WDR59: variants seen among roughly 807,000 people sequenced by gnomAD.
WDR59 encodes the protein GATOR2 complex protein WDR59.
In WDR59, 100 loss-of-function variants were observed where a neutral mutation model predicts 131.2. The ratio of observed to expected loss-of-function variants is 0.76; its 90% CI spans 0.65 to 0.90. WDR59 has a LOEUF of 0.90. WDR59 is among the 40% of genes least tolerant of loss of function. The pLI is 0.00. For missense variants in WDR59, 1,203 were observed against 1,262.2 expected (o/e 0.95, Z 0.71); for synonymous variants, 601 against 466.2 (o/e 1.29, Z -3.72).
At chr16:74,886,942 T>C (rs1964798562) in intron 23 of WDR59, among the ~76,000 whole-genome samples, 2 of 151,704 alleles carry the variant, frequency 1.3e-5, no homozygotes, top group African/African-American at 4.8e-5. Context: ...AAAAAATAAA[T>C]AAATAAAGCA....
At chr16:74,925,666 CTT>C (rs1220656155) in intron 8 of WDR59, among the ~76,000 whole-genome samples, 3 of 151,960 alleles carry the variant, frequency 2.0e-5, no homozygotes, top group Non-Finnish European at 4.4e-5. Context: ...CGAGGTAGCT[CTT>C]CAGTGTCATG....
At chr16:74,913,085 C>T (rs910504027) in intron 13 of WDR59, among the ~76,000 whole-genome samples, 1 of 141,170 alleles carries the variant, frequency 7.1e-6, no homozygotes, top group Non-Finnish European at 1.5e-5. Context: ...GGGGGGGGGG[C>T]CTGTTCCCAA....
chr16:74,907,181 C>A (rs1464752128), intron 17 of WDR59, among the ~76,000 whole-genome samples: 5 of 152,304 alleles, frequency 3.3e-5, no homozygotes, highest in South Asian at 2.1e-4. Flanking sequence ...CTTGGCAAAA[C>A]AGCAGTGTCT....
At chr16:74,904,352 G>A in intron 17 of WDR59, 14 of 410,652 alleles carry the variant, frequency 3.4e-5, no homozygotes, top group East Asian at 1.5e-4. Flanking sequence ...TTGAATACAA[G>A]GTCAACCTAC....
rs768936417 is a variant in WDR59, at chr16:74,904,074, T to A, written c.1739A>T (p.His580Leu). 3 of 1,613,480 alleles carry A rather than the reference T, an allele frequency of 1.9e-6. No individual in the cohort carries two copies. The highest frequency in any genetic ancestry group is 2.5e-6 in the Non-Finnish European group (3 of 1,179,842). The change falls in exon 18 of 26, where the codon CAC becomes CTC. Residue 580 changes from histidine to leucine, a missense_variant. Coordinates refer to ENST00000262144, the MANE Select transcript of WDR59 (RefSeq NM_030581.4). ...CTTCATGGGCGCGATCAAGCCAGTG[T>A]GATAAGCAGACAAGGCTGAGAGAGA... ...PRSLSALSAY[H>L]TGLIAPMKIR...
intron 5 of WDR59, 32 bp downstream of exon 5, chr16:74,949,686 A>C: frequency 1.9e-6 from 3 of 1,603,738 alleles, no homozygotes; most frequent in South Asian, 1.1e-5. Flanking sequence ...ATCACCCCCA[A>C]CCAAGTGGTT....
rs962998153 is a variant in WDR59 at position 74,933,641 on chromosome 16, A to C, written c.651+4509T>G. On this transcript the variant is annotated intron_variant, in intron 8 of 25. Transcript: ENST00000262144. ...GCTCTTGTCGCCCAGGCTGGAGTGC[A>C]TGTGGCATGATCTCAGCTCACTGCA... Among the ~76,000 whole-genome samples the C allele has an allele frequency of 3.3e-5, 5 of 152,078 alleles. No homozygotes were observed. The South Asian group carries it at 1.0e-3, about 31-fold the overall frequency.
At chr16:74,972,559 C>A (rs1274822548) in intron 1 of WDR59, among the ~76,000 whole-genome samples, 1 of 152,054 alleles carries the variant, frequency 6.6e-6, no homozygotes, top group Non-Finnish European at 1.5e-5. Flanking sequence ...CTAGGCCAGG[C>A]ACGGTGGCTC....
At chr16:74,892,689 C>A (rs1247798906) in intron 19 of WDR59, 124 bp from the exon 20 acceptor site, 2 of 820,058 alleles carry the variant, frequency 2.4e-6, no homozygotes, top group Non-Finnish European at 3.8e-6. Flanking sequence ...TTTTATTCCG[C>A]GTTGGCCTTG....
chr16:74,956,375 G>C, intron 3 of WDR59, 100 bp downstream of exon 3: 1 of 1,419,704 alleles, frequency 7.0e-7, no homozygotes, highest in Non-Finnish European at 9.4e-7. Context: ...TTCCAAATGA[G>C]CAATGAGGAC....
At chr16:74,954,016 A>G (rs2033153800) in intron 3 of WDR59, among the ~76,000 whole-genome samples, 3 of 152,036 alleles carry the variant, frequency 2.0e-5, no homozygotes. Flanking sequence ...AAAAAAAGAA[A>G]AAGGGCAGAG....
chr16:74,932,786 G>C (rs1416453592), intron 8 of WDR59, among the ~76,000 whole-genome samples: 1 of 152,146 alleles, frequency 6.6e-6, no homozygotes, highest in Non-Finnish European at 1.5e-5. Context: ...ACCATGCCCA[G>C]TCTTGATTGT....
At chr16:74,931,056 T>G (rs897093637) in intron 8 of WDR59, among the ~76,000 whole-genome samples, 52 of 152,046 alleles carry the variant, frequency 3.4e-4, no homozygotes, top group African/African-American at 1.2e-3. Context: ...ACTATGTAGT[T>G]TGATAATTTG....
chr16:74,896,415 G>A (rs1291223501), intron 18 of WDR59, among the ~76,000 whole-genome samples: 1 of 152,174 alleles, frequency 6.6e-6, no homozygotes, highest in Non-Finnish European at 1.5e-5. Context: ...GATCACCTGA[G>A]GCCAGGAGTT....
chr16:74,904,153 C>T (rs1190080361), intron 17 of WDR59, 53 bp from the exon 18 acceptor site: 2 of 1,576,916 alleles, frequency 1.3e-6, no homozygotes. Context: ...GTCATATTTC[C>T]AAGTGGTGCT....
At chr16:74,939,535 A>G (rs953184195) in intron 7 of WDR59, among the ~76,000 whole-genome samples, 3 of 152,160 alleles carry the variant, frequency 2.0e-5, no homozygotes, top group African/African-American at 7.2e-5. Context: ...CAGTACGACA[A>G]ACTAAGTTTA....
At chr16:74,889,501 A>T (rs1156262919) in intron 21 of WDR59, among the ~76,000 whole-genome samples, 1 of 152,190 alleles carries the variant, frequency 6.6e-6, no homozygotes, top group Non-Finnish European at 1.5e-5. Flanking sequence ...CCTTGTTATA[A>T]ATGACAAGTA....
At chr16:74,973,583 T>TACA (rs1442607207) in intron 1 of WDR59, among the ~76,000 whole-genome samples, 1 of 152,176 alleles carries the variant, frequency 6.6e-6, no homozygotes, top group Non-Finnish European at 1.5e-5. Context: ...CCACCATGCT[T>TACA]GGCCCAACAG....
intron 17 of WDR59, among the ~76,000 whole-genome samples, chr16:74,904,905 G>A (rs1265743480): frequency 1.3e-5 from 2 of 152,098 alleles, no homozygotes; most frequent in Non-Finnish European, 2.9e-5. Context: ...ACAAAGAAAG[G>A]AAATCTTTTC....
Sources: gnomAD v4.1 joint callset for allele counts (sites outside exome capture counted in the v4.1 genomes callset) on GRCh38, gnomAD v4.1.1 for gene constraint, MANE v1.5 for transcripts, NCBI Gene and HGNC (gene_info 2026-07-23, HGNC 2026-07-21) for gene names.